ROBO1: variants seen among roughly 807,000 people sequenced by gnomAD.
ROBO1 encodes the protein roundabout homolog 1.
Under a neutral mutation model 195.9 loss-of-function variants are expected in ROBO1, and 149 were observed. That is an observed-to-expected ratio of 0.76 (90% CI 0.67 to 0.87). The LOEUF is 0.87. Among genes scored for constraint, ROBO1 ranks in the 40% least tolerant of loss-of-function variants. ROBO1 has a pLI of 0.00. For missense variants in ROBO1, 1,933 were observed against 2,068.3 expected, an observed-to-expected ratio of 0.93 and a Z score of 1.27; for synonymous variants, 816 against 733.2, an observed-to-expected ratio of 1.11 and a Z score of -1.82.
intron 2 of ROBO1, among the ~76,000 whole-genome samples, chr3:79,257,982 C>T (rs1356748011): frequency 5.9e-5 from 9 of 151,940 alleles, no homozygotes; most frequent in Admixed American, 1.3e-4. Flanking sequence ...ACCCAAATTC[C>T]AGTCTGATAC....
At chr3:78,784,429 G>C (rs909867134) in intron 4 of ROBO1, among the ~76,000 whole-genome samples, 1 of 152,114 alleles carries the variant, frequency 6.6e-6, no homozygotes, top group Non-Finnish European at 1.5e-5. Context: ...GAGTTCCATT[G>C]GGTATCAGTT....
At chr3:78,803,131 A>C (rs182606641) in intron 4 of ROBO1, among the ~76,000 whole-genome samples, 1 of 152,162 alleles carries the variant, frequency 6.6e-6, no homozygotes, top group African/African-American at 2.4e-5. Flanking sequence ...ACTTGGGTTG[A>C]AATTCCCACT....
At chr3:79,237,949 G>A (rs1333966745) in intron 2 of ROBO1, among the ~76,000 whole-genome samples, 1 of 152,080 alleles carries the variant, frequency 6.6e-6, no homozygotes, top group African/African-American at 2.4e-5. Flanking sequence ...GATAGAGTTC[G>A]GACCTAGAAA....
chr3:78,722,475 C>T (rs1369895747), intron 5 of ROBO1, among the ~76,000 whole-genome samples: 1 of 151,982 alleles, frequency 6.6e-6, no homozygotes, highest in Non-Finnish European at 1.5e-5. Flanking sequence ...ATCAATGCAG[C>T]AATATAAAAC....
chr3:78,760,506 T>C (rs1576109546), intron 4 of ROBO1, among the ~76,000 whole-genome samples: 2 of 152,248 alleles, frequency 1.3e-5, no homozygotes, highest in East Asian at 3.9e-4. Flanking sequence ...GCAGCTCAGC[T>C]CTATTATAAT....
At chr3:79,647,051 G>T (rs1353506541) in intron 1 of ROBO1, among the ~76,000 whole-genome samples, 1 of 151,920 alleles carries the variant, frequency 6.6e-6, no homozygotes, top group Non-Finnish European at 1.5e-5. Context: ...AAAGCTAAAA[G>T]AAAATTATTC....
chr3:79,461,191 G>T (rs1384001682), intron 2 of ROBO1, among the ~76,000 whole-genome samples: 2 of 152,032 alleles, frequency 1.3e-5, no homozygotes, highest in Non-Finnish European at 2.9e-5. Context: ...ATAATTTGGT[G>T]GACTCATAGG....
intron 3 of ROBO1, among the ~76,000 whole-genome samples, chr3:79,082,677 C>G (rs2079295539): frequency 6.6e-6 from 1 of 152,134 alleles, no homozygotes; most frequent in Admixed American, 6.5e-5. Context: ...AGTTAGTTGT[C>G]TCTATGCCTG....
At chr3:79,015,111 T>G (rs1440428026) in intron 3 of ROBO1, among the ~76,000 whole-genome samples, 1 of 152,208 alleles carries the variant, frequency 6.6e-6, no homozygotes, top group Non-Finnish European at 1.5e-5. Context: ...TTCTAAGACC[T>G]TTAAATCACA....
At chr3:79,087,959 T>C (rs1183780861) in intron 3 of ROBO1, among the ~76,000 whole-genome samples, 2 of 152,136 alleles carry the variant, frequency 1.3e-5, no homozygotes, top group East Asian at 3.9e-4. Flanking sequence ...TACATATGAT[T>C]AAAACTTATT....
intron 10 of ROBO1, among the ~76,000 whole-genome samples, chr3:78,679,547 A>T (rs1489157803): frequency 1.3e-5 from 2 of 152,204 alleles, no homozygotes; most frequent in East Asian, 1.9e-4. Flanking sequence ...ACAAACACAG[A>T]GCCAAATCAT....
intron 3 of ROBO1, chr3:79,019,342 G>A: frequency 1.1e-5 from 11 of 985,836 alleles, no homozygotes; most frequent in Non-Finnish European, 1.3e-5. Context: ...TGGCAGAGAA[G>A]GGCAGAGAGG....
At chr3:78,699,074 G>A (rs1206942307) in intron 8 of ROBO1, among the ~76,000 whole-genome samples, 1 of 151,942 alleles carries the variant, frequency 6.6e-6, no homozygotes, top group African/African-American at 2.4e-5. Context: ...TTTCCTCCTG[G>A]AAATACACAA....
At chr3:79,174,699 T>C (rs1338821595) in intron 2 of ROBO1, among the ~76,000 whole-genome samples, 3 of 143,554 alleles carry the variant, frequency 2.1e-5, no homozygotes, top group East Asian at 3.9e-4. Context: ...CCGTCTCTAC[T>C]AAAAATACAA....
intron 2 of ROBO1, among the ~76,000 whole-genome samples, chr3:79,382,708 T>C (rs574571284): frequency 1.6e-4 from 24 of 152,158 alleles, no homozygotes; most frequent in Non-Finnish European, 3.1e-4. Flanking sequence ...AGTCTCAATT[T>C]ACATCCTGAA....
chr3:78,611,070 A>ACACT (rs898318412), intron 28 of ROBO1, among the ~76,000 whole-genome samples: 3 of 152,098 alleles, frequency 2.0e-5, no homozygotes, highest in Non-Finnish European at 4.4e-5. Flanking sequence ...AATCTTATAA[A>ACACT]CACTCATTCT....
At chr3:79,187,929 C>A (rs1416102192) in intron 2 of ROBO1, among the ~76,000 whole-genome samples, 1 of 151,982 alleles carries the variant, frequency 6.6e-6, no homozygotes, top group African/African-American at 2.4e-5. Context: ...TTGCTCCTAA[C>A]TCCCTGTGTG....
chr3:78,675,574 C>A (rs1180154203), intron 10 of ROBO1, among the ~76,000 whole-genome samples: 1 of 152,158 alleles, frequency 6.6e-6, no homozygotes, highest in Non-Finnish European at 1.5e-5. Context: ...GTTAGCACAG[C>A]AGTCTGAGAT....
intron 18 of ROBO1, 146 bp from the exon 19 acceptor site, chr3:78,652,075 G>T: frequency 1.6e-6 from 1 of 625,364 alleles, no homozygotes; most frequent in South Asian, 2.2e-5. Flanking sequence ...AAATAAAATA[G>T]TTCATACTGT....
Sources: gnomAD v4.1 joint callset for allele counts (sites outside exome capture counted in the v4.1 genomes callset) on GRCh38, gnomAD v4.1.1 for gene constraint, MANE v1.5 for transcripts, NCBI Gene and HGNC (gene_info 2026-07-23, HGNC 2026-07-21) for gene names.